The following WDR45B variants were observed in gnomAD, a reference collection of about 807,000 sequenced individuals.
WDR45B encodes WD repeat domain phosphoinositide-interacting protein 3.
In WDR45B, 20 loss-of-function variants were observed where a neutral mutation model predicts 44.6. The observed-to-expected ratio is 0.45, with a 90% CI of 0.32 to 0.65. The LOEUF (loss-of-function observed/expected upper bound fraction) is 0.65, where lower values mean the gene tolerates loss of function less well. Among genes scored for constraint, WDR45B ranks in the 30% least tolerant of loss-of-function variants. The pLI is 0.05. For synonymous variants in WDR45B, 169 were observed against 164.9 expected, an observed-to-expected ratio of 1.02 and a Z score of -0.19; for missense variants, 323 against 430.2, an observed-to-expected ratio of 0.75 and a Z score of 2.20.
chr17:82,641,282 T>C (rs888497203), intron 2 of WDR45B, among the ~76,000 whole-genome samples: 11 of 152,216 alleles, frequency 7.2e-5, no homozygotes, highest in African/African-American at 2.4e-4. Flanking sequence ...CTCATTTTTA[T>C]AAGAAATGTT....
chr17:82,641,249 G>A (rs949946906), intron 2 of WDR45B, among the ~76,000 whole-genome samples: 1 of 152,164 alleles, frequency 6.6e-6, no homozygotes, highest in East Asian at 1.9e-4. Context: ...TTACAGGCGT[G>A]AGCCACCGTG....
chr17:82,624,404 G>A (rs2045663786), intron 5 of WDR45B, among the ~76,000 whole-genome samples: 1 of 151,878 alleles, frequency 6.6e-6, no homozygotes, highest in African/African-American at 2.4e-5. Flanking sequence ...TGGGACTATG[G>A]GCACCCGCCA....
intron 1 of WDR45B, among the ~76,000 whole-genome samples, chr17:82,646,716 C>G (rs1170188601): frequency 6.6e-6 from 1 of 152,066 alleles, no homozygotes; most frequent in African/African-American, 2.4e-5. Context: ...TATATCCACC[C>G]TTCTACAGGT....
chr17:82,617,443 G>A (rs1402302158), intron 7 of WDR45B, 46 bp from the exon 8 acceptor site: 13 of 1,586,818 alleles, frequency 8.2e-6, no homozygotes, highest in African/African-American at 1.3e-5. Flanking sequence ...GGATGTGGAG[G>A]AGTCCAGAGA....
intron 6 of WDR45B, among the ~76,000 whole-genome samples, chr17:82,620,644 G>A (rs185389530): frequency 2.0e-4 from 31 of 152,132 alleles, no homozygotes; most frequent in African/African-American, 6.3e-4. Context: ...ACCGGCTTGC[G>A]GTCTCACCTC....
At position 82,625,405 on chromosome 17, in the gene WDR45B, G is replaced by T; in HGVS notation, c.411C>A (p.Thr137=). ...HNPHQLHVFE[T]CYNPKGLCVL... is the part of the protein sequence containing the mutation. ...ATCTCTCACCTTTGGGGTTATAGCAGGTTTCGAAGACGTGCAACTGATGGG... is the reference window on the plus strand; with the variant it reads ...ATCTCTCACCTTTGGGGTTATAGCATGTTTCGAAGACGTGCAACTGATGGG... Residue 137 remains threonine, a synonymous_variant, in exon 5 of 10, where the codon ACC becomes ACA. Transcript: ENST00000392325. The T allele has an allele frequency of 6.2e-7, 1 of 1,614,180 alleles. No homozygotes were observed. Among genetic ancestry groups the T allele is most frequent in the Non-Finnish European group, 8.5e-7 (1 of 1,180,044 alleles).
At chr17:82,620,368 G>C (rs1053403560) in intron 6 of WDR45B, among the ~76,000 whole-genome samples, 1 of 152,224 alleles carries the variant, frequency 6.6e-6, no homozygotes, top group African/African-American at 2.4e-5. Flanking sequence ...AGGAGGCGGA[G>C]GTGGCAGTGA....
At chr17:82,624,624 G>GTTTT (rs544094467) in intron 5 of WDR45B, among the ~76,000 whole-genome samples, 226 of 143,712 alleles carry the variant, frequency 1.6e-3, no homozygotes, top group African/African-American at 4.0e-3. Flanking sequence ...ATTTATTGAA[G>GTTTT]TTTTTTTTTT....
At position 82,627,255 on chromosome 17, in the gene WDR45B, A is replaced by G. The variant is rs746335282; in HGVS notation, c.281T>C (p.Ile94Thr). The G allele has an allele frequency of 8.1e-6, 13 of 1,613,662 alleles. No individual in the cohort carries two copies. Among genetic ancestry groups the G allele is most frequent in the Admixed American group, 3.3e-5 (2 of 60,006 alleles). Residue 94 changes from isoleucine (I) to threonine (T), a missense_variant, in exon 4 of 10, where the codon ATT (isoleucine) becomes ACT (threonine). Transcript: ENST00000392325. ...GACTTCTGTAGAAAATTCTATTTCA[A>G]TAACAGTCTTCTTCTTCAGGTCATC... ...IWDDLKKKTV[I>T]EIEFSTEVKA...
intron 2 of WDR45B, among the ~76,000 whole-genome samples, chr17:82,641,521 T>C (rs2045915478): frequency 6.6e-6 from 1 of 152,146 alleles, no homozygotes; most frequent in African/African-American, 2.4e-5. Context: ...CACCTGATTG[T>C]GGGTCTGAAG....
At chr17:82,634,677 C>T (rs2143335393) in intron 2 of WDR45B, among the ~76,000 whole-genome samples, 1 of 152,040 alleles carries the variant, frequency 6.6e-6, no homozygotes, top group South Asian at 2.1e-4. Flanking sequence ...GAACAAACAG[C>T]ACGTGCTCCA....
At chr17:82,645,650 G>C (rs980395715) in intron 1 of WDR45B, among the ~76,000 whole-genome samples, 5 of 152,098 alleles carry the variant, frequency 3.3e-5, no homozygotes. Flanking sequence ...GTATATAGAA[G>C]TACATGCCTG....
At chr17:82,647,579 G>C (rs1219920314) in intron 1 of WDR45B, among the ~76,000 whole-genome samples, 1 of 152,128 alleles carries the variant, frequency 6.6e-6, no homozygotes, top group Non-Finnish European at 1.5e-5. Context: ...CATGGGAAAA[G>C]AAGTAAGATT....
chr17:82,625,647 C>G (rs2045686218), intron 4 of WDR45B, 164 bp from the exon 5 acceptor site: 1 of 723,194 alleles, frequency 1.4e-6, no homozygotes, highest in Non-Finnish European at 2.4e-6. Flanking sequence ...AGCGCCAGGC[C>G]TGGAGCTCGG....
Position 82,621,623 on chromosome 17 carries a change from T to C in WDR45B, c.604A>G (p.Thr202Ala). The C allele has an allele frequency of 6.2e-7, 1 of 1,614,222 alleles. No individual in the cohort carries two copies. ...ALNLQGTRIA[T>A]ASEKGTLIRI... ...GGCACACTTACTTTCTCGGATGCAG[T>C]TGCAATTCTTGTTCCCTGCAGGTTG... is the stretch of plus-strand genomic sequence containing the variant. Residue 202 changes from threonine to alanine, a missense_variant, in exon 6 of 10, where the codon ACT (threonine) becomes GCT (alanine). By Grantham distance (58) the Thr-to-Ala change is moderately conservative. Transcript: ENST00000392325.
At position 82,648,374 on chromosome 17, in the gene WDR45B, C is replaced by A. The variant is rs749691371; in HGVS notation, c.-34G>T. On this transcript the variant is annotated 5_prime_UTR_variant, in exon 1 of 10. Transcript: ENST00000392325. ...CGTGCTGGGTCGCCGCTCCTCAGCG[C>A]TGCATGCCTCTCGCTGGGGACGGCG... The A allele has an allele frequency of 1.8e-5, 29 of 1,598,222 alleles. No individual in the cohort carries two copies. The highest frequency in any genetic ancestry group is 1.2e-4 in the Admixed American group (7 of 59,260).
At chr17:82,648,205 C>T in intron 1 of WDR45B, 69 bp downstream of exon 1, 1 of 1,543,876 alleles carries the variant, frequency 6.5e-7, no homozygotes. Context: ...CAGGAGAGGC[C>T]TGAGAGCCGG....
chr17:82,626,374 A>G (rs1447434517), intron 4 of WDR45B, among the ~76,000 whole-genome samples: 1 of 151,144 alleles, frequency 6.6e-6, no homozygotes, highest in Admixed American at 6.6e-5. Flanking sequence ...TGTCTCTACT[A>G]AAGATACAAA....
chr17:82,632,948 T>C (rs1439572268), intron 2 of WDR45B, among the ~76,000 whole-genome samples: 2 of 152,026 alleles, frequency 1.3e-5, no homozygotes, highest in African/African-American at 2.4e-5. Flanking sequence ...GCAGGTGGAT[T>C]ACTTGAGGTC....
Sources: gnomAD v4.1 joint callset for allele counts (sites outside exome capture counted in the v4.1 genomes callset) on GRCh38, gnomAD v4.1.1 for gene constraint, MANE v1.5 for transcripts, NCBI Gene and HGNC (gene_info 2026-07-23, HGNC 2026-07-21) for gene names.